Variants in CNKSR2 observed in about 807,000 individuals in gnomAD.
The protein encoded by CNKSR2 is CNK homolog protein 2.
A neutral mutation model predicts 84.4 loss-of-function variants in CNKSR2; 14 were observed. The ratio of observed to expected loss-of-function variants is 0.17; its 90% CI spans 0.11 to 0.26. The LOEUF (loss-of-function observed/expected upper bound fraction) is 0.26, where lower values mean the gene tolerates loss of function less well. CNKSR2 is among the 10% of genes least tolerant of loss of function. The pLI is 1.00. For synonymous variants in CNKSR2, 275 were observed against 277.9 expected (o/e 0.99, Z 0.10); for missense variants, 485 against 771.2 (o/e 0.63, Z 4.40).
chrX:21,591,242 C>G (rs371274839), intron 15 of CNKSR2, 48 bp downstream of exon 15: 5 of 1,015,270 alleles, frequency 4.9e-6, no homozygotes, highest in Non-Finnish European at 6.6e-6. Context: ...TATCTTTAAT[C>G]AAAAGAATCA....
intron 13 of CNKSR2, among the ~76,000 whole-genome samples, chrX:21,565,505 T>C (rs2092230362): frequency 9.0e-6 from 1 of 111,671 alleles, no homozygotes; most frequent in South Asian, 3.8e-4. Context: ...CACTTTTGCC[T>C]CCTGTTTTTA....
intron 4 of CNKSR2, among the ~76,000 whole-genome samples, chrX:21,441,982 C>T (rs2099245092): frequency 9.0e-6 from 1 of 111,005 alleles, no homozygotes; most frequent in African/African-American, 3.3e-5. Flanking sequence ...TTTCCCCTTC[C>T]TAAAACAAAG....
At position 21,407,089 on chromosome X, in the gene CNKSR2, C is replaced by A. The variant is rs763438943; in HGVS notation, c.65-19408C>A. Among the ~76,000 whole-genome samples the A allele has an allele frequency of 6.3e-5, 7 of 111,332 alleles. No homozygotes were observed. The South Asian group carries it at 2.6e-3, about 42-fold the overall frequency. The stretch of plus-strand genomic sequence containing the variant: ...GTAACAGTACTCTTCTCCAATTTGA[C>A]AGACTAGGTTAAGGCTTTTGGTTTT... On this transcript the variant is annotated intron_variant, in intron 1 of 21. Transcript: ENST00000379510.
intron 18 of CNKSR2, among the ~76,000 whole-genome samples, chrX:21,604,126 A>G (rs767202147): frequency 4.5e-4 from 50 of 112,188 alleles, no homozygotes; most frequent in Non-Finnish European, 6.9e-4. Flanking sequence ...TGAAATTTCT[A>G]TGTAGCCTCT....
In CNKSR2 at chrX:21,619,885, G is replaced by A. The variant is rs772689613; in HGVS notation, c.2692+10268G>A. 5.4e-5 allele frequency among the ~76,000 whole-genome samples: 6 copies of A among 110,816 alleles called. No homozygotes were observed. In the East Asian group the frequency reaches 1.4e-3, roughly 26 times the overall value. On this transcript the variant is annotated intron_variant, in intron 20 of 21. Transcript: ENST00000379510. ...AAAAAGAAAAGAAAAGAAAACACACGGGGAGGAGGGACAGCTGGAATCAGT... is the reference window on the plus strand; with the variant it reads ...AAAAAGAAAAGAAAAGAAAACACACAGGGAGGAGGGACAGCTGGAATCAGT...
intron 1 of CNKSR2, among the ~76,000 whole-genome samples, chrX:21,413,532 A>G (rs2090374403): frequency 9.0e-6 from 1 of 110,573 alleles, no homozygotes; most frequent in South Asian, 3.9e-4. Context: ...TGACTCTACT[A>G]TTTGCTGTCA....
intron 20 of CNKSR2, among the ~76,000 whole-genome samples, chrX:21,626,127 G>A (rs371402582): frequency 4.4e-4 from 48 of 109,167 alleles, no homozygotes; most frequent in African/African-American, 1.3e-3. Context: ...CACTTAAGAG[G>A]TCTTGATTAT....
At position 21,447,396 on chromosome X, in the gene CNKSR2, T is replaced by C. The variant is rs186416538; in HGVS notation, c.519+6615T>C. Among the ~76,000 whole-genome samples the C allele has an allele frequency of 3.5e-4, 39 of 111,798 alleles. 1 individual carries two copies. Among genetic ancestry groups the C allele is most frequent in the Middle Eastern group, 4.6e-3 (1 of 217 alleles). ...TTGCTTATTATGTCTTGTACTTTCA[T>C]TATCTTTCTACTATCTGAATTACTG... On this transcript the variant is annotated intron_variant, in intron 4 of 21. Transcript: ENST00000379510.
intron 18 of CNKSR2, among the ~76,000 whole-genome samples, chrX:21,602,868 A>G (rs773234986): frequency 1.8e-5 from 2 of 112,220 alleles, no homozygotes; most frequent in South Asian, 7.4e-4. Context: ...CAAGAATTAG[A>G]AGTGTGGGCA....
At chrX:21,607,578 C>T (rs1446509508) in intron 19 of CNKSR2, among the ~76,000 whole-genome samples, 4 of 111,259 alleles carry the variant, frequency 3.6e-5, no homozygotes, top group African/African-American at 9.8e-5. Context: ...CCAAGGCGGG[C>T]GGATCACTTG....
chrX:21,516,262 T>C (rs2091727212), intron 8 of CNKSR2, among the ~76,000 whole-genome samples: 1 of 111,632 alleles, frequency 9.0e-6, no homozygotes, highest in African/African-American at 3.3e-5. Context: ...TGATTTGACA[T>C]GGTAAATGTC....
At chrX:21,420,540 G>A (rs1279872778) in intron 1 of CNKSR2, among the ~76,000 whole-genome samples, 1 of 111,671 alleles carries the variant, frequency 9.0e-6, no homozygotes, top group Non-Finnish European at 1.9e-5. Flanking sequence ...AAGTCTCACA[G>A]TCTCACACAG....
chrX:21,547,437 G>T (rs902731049), intron 11 of CNKSR2, among the ~76,000 whole-genome samples: 1 of 111,161 alleles, frequency 9.0e-6, no homozygotes, highest in Non-Finnish European at 1.9e-5. Context: ...AGCAAGTCCT[G>T]AGTGACCTAC....
chrX:21,645,152 A>C (rs1016169267), intron 20 of CNKSR2: 1 of 111,931 alleles, frequency 8.9e-6, no homozygotes, highest in Admixed American at 9.5e-5. Flanking sequence ...GTGGAGCAGA[A>C]TATGAAAGGG....
At chrX:21,589,673 A>G (rs576524371) in intron 13 of CNKSR2, among the ~76,000 whole-genome samples, 1 of 111,929 alleles carries the variant, frequency 8.9e-6, no homozygotes, top group African/African-American at 3.2e-5. Context: ...CTCTAGACAT[A>G]TCAAGCTCTT....
intron 13 of CNKSR2, among the ~76,000 whole-genome samples, chrX:21,571,866 T>A (rs2092286102): frequency 8.9e-6 from 1 of 112,115 alleles, no homozygotes; most frequent in South Asian, 3.7e-4. Flanking sequence ...TAAAAGTAAT[T>A]CAAAGAAGAG....
At chrX:21,554,301 A>G (rs780110917) in intron 11 of CNKSR2, among the ~76,000 whole-genome samples, 1 of 112,096 alleles carries the variant, frequency 8.9e-6, no homozygotes, top group Non-Finnish European at 1.9e-5. Context: ...CAGTAGGAAA[A>G]TACACAACCA....
chrX:21,601,168 T>C, intron 17 of CNKSR2, 114 bp from the exon 18 acceptor site: 1 of 439,451 alleles, frequency 2.3e-6, no homozygotes, highest in Non-Finnish European at 3.8e-6. Context: ...AGAACACATC[T>C]TATATGTAGG....
At chrX:21,414,120 T>C (rs969961458) in intron 1 of CNKSR2, among the ~76,000 whole-genome samples, 1 of 111,154 alleles carries the variant, frequency 9.0e-6, no homozygotes, top group African/African-American at 3.3e-5. Context: ...GGCAGCTCTG[T>C]TTTTAGTTTT....
Sources: gnomAD v4.1 joint callset for allele counts (sites outside exome capture counted in the v4.1 genomes callset) on GRCh38, gnomAD v4.1.1 for gene constraint, MANE v1.5 for transcripts, NCBI Gene and HGNC (gene_info 2026-07-23, HGNC 2026-07-21) for gene names.